Variants in SLIT3 observed in about 807,000 individuals in gnomAD.
SLIT3 encodes slit guidance ligand 3, also known as slit homolog 3 protein.
SLIT3 carries 68 observed loss-of-function variants against 184.0 expected under a neutral mutation model. That is an observed-to-expected ratio of 0.37 (90% CI 0.30 to 0.45). The LOEUF is 0.45. Ranked by LOEUF, SLIT3 falls within the 20% of genes least tolerant of loss-of-function variation. The pLI is 1.00. For missense variants in SLIT3, 1,707 were observed against 2,026.0 expected (o/e 0.84, Z 3.02); for synonymous variants, 831 against 828.6 (o/e 1.00, Z -0.05).
chr5:168,840,470 G>GTAC (rs1417251521), intron 6 of SLIT3, among the ~76,000 whole-genome samples: 1 of 146,454 alleles, frequency 6.8e-6, no homozygotes, highest in Non-Finnish European at 1.5e-5. Context: ...ACCCATGATG[G>GTAC]TACGTTAGTC....
At chr5:169,141,919 G>T (rs1469426877) in intron 4 of SLIT3, among the ~76,000 whole-genome samples, 1 of 150,236 alleles carries the variant, frequency 6.7e-6, no homozygotes, top group Non-Finnish European at 1.5e-5. Context: ...GCGTGGTAGC[G>T]CATGCCTGTA....
At chr5:168,987,684 T>A (rs1299721759) in intron 4 of SLIT3, among the ~76,000 whole-genome samples, 1 of 152,220 alleles carries the variant, frequency 6.6e-6, no homozygotes, top group Non-Finnish European at 1.5e-5. Context: ...AGGAACCGAA[T>A]TGATTTAAAC....
chr5:168,834,332 G>A (rs1368933860), intron 6 of SLIT3, among the ~76,000 whole-genome samples: 1 of 152,076 alleles, frequency 6.6e-6, no homozygotes, highest in Non-Finnish European at 1.5e-5. Flanking sequence ...TTGTTGTAAG[G>A]ATCACACTCC....
chr5:168,851,944 C>T (rs1349398980), intron 5 of SLIT3, among the ~76,000 whole-genome samples: 1 of 152,206 alleles, frequency 6.6e-6, no homozygotes. Context: ...TGCAAACAAG[C>T]CCATGACAAG....
chr5:168,925,039 T>C (rs946809320), intron 4 of SLIT3, among the ~76,000 whole-genome samples: 1 of 152,206 alleles, frequency 6.6e-6, no homozygotes, highest in Non-Finnish European at 1.5e-5. Context: ...CCAGGAACTG[T>C]GCTAGGAGTG....
intron 12 of SLIT3, among the ~76,000 whole-genome samples, chr5:168,780,631 C>G (rs1401694174): frequency 6.6e-6 from 1 of 152,226 alleles, no homozygotes; most frequent in Non-Finnish European, 1.5e-5. Context: ...AGTGAAGACA[C>G]CAACTAGGGG....
intron 14 of SLIT3, among the ~76,000 whole-genome samples, chr5:168,764,906 A>G (rs1368222272): frequency 6.6e-6 from 1 of 152,056 alleles, no homozygotes; most frequent in East Asian, 1.9e-4. Flanking sequence ...TTTCTTCCAG[A>G]CCCATCAGCG....
chr5:168,990,598 G>A (rs62378616), intron 4 of SLIT3, among the ~76,000 whole-genome samples: 6,003 of 152,256 alleles, frequency 0.039, 159 homozygotes, highest in Non-Finnish European at 0.057. Flanking sequence ...ACCCAGAGAG[G>A]TTATTTATTT....
intron 12 of SLIT3, among the ~76,000 whole-genome samples, chr5:168,776,096 A>T (rs1755737528): frequency 6.6e-6 from 1 of 152,172 alleles, no homozygotes; most frequent in Non-Finnish European, 1.5e-5. Context: ...CCTGGTGGGG[A>T]ATGACACATG....
At chr5:168,699,070 C>T (rs746568779) in intron 27 of SLIT3, among the ~76,000 whole-genome samples, 6 of 152,304 alleles carry the variant, frequency 3.9e-5, no homozygotes, top group South Asian at 4.1e-4. Context: ...GCTGGGGCCC[C>T]GTGGCCACCT....
At chr5:168,810,379 T>C (rs566434859) in intron 8 of SLIT3, among the ~76,000 whole-genome samples, 21 of 152,282 alleles carry the variant, frequency 1.4e-4, no homozygotes, top group African/African-American at 5.1e-4. Flanking sequence ...GCAAGGAAGG[T>C]GGCCTTAACT....
chr5:168,963,452 A>T (rs1002515602), intron 4 of SLIT3, among the ~76,000 whole-genome samples: 27 of 152,368 alleles, frequency 1.8e-4, no homozygotes, highest in Admixed American at 3.3e-4. Context: ...GATTACAGGC[A>T]TGAGGCACTG....
intron 1 of SLIT3, among the ~76,000 whole-genome samples, chr5:169,279,943 C>T (rs756888010): frequency 6.6e-6 from 1 of 152,236 alleles, no homozygotes; most frequent in African/African-American, 2.4e-5. Flanking sequence ...GCAGTCACCA[C>T]GCTTGCTTTT....
chr5:168,835,851 G>T (rs1430389969), intron 6 of SLIT3, among the ~76,000 whole-genome samples: 1 of 151,616 alleles, frequency 6.6e-6, no homozygotes, highest in Non-Finnish European at 1.5e-5. Flanking sequence ...GTTTTAGTTT[G>T]TGTAGAGGTC....
intron 6 of SLIT3, among the ~76,000 whole-genome samples, chr5:168,837,427 C>T (rs1183931120): frequency 2.6e-5 from 4 of 152,098 alleles, no homozygotes; most frequent in African/African-American, 9.7e-5. Context: ...GATTTTGTTC[C>T]TTATTAAAAT....
intron 8 of SLIT3, among the ~76,000 whole-genome samples, chr5:168,809,190 C>T (rs996919052): frequency 6.6e-6 from 1 of 152,178 alleles, no homozygotes; most frequent in African/African-American, 2.4e-5. Flanking sequence ...TAATTCTGTT[C>T]TAAACCAGAC....
At chr5:169,164,748 C>G (rs1045993583) in intron 4 of SLIT3, among the ~76,000 whole-genome samples, 4 of 152,228 alleles carry the variant, frequency 2.6e-5, no homozygotes, top group Non-Finnish European at 4.4e-5. Context: ...ATTAACAGAT[C>G]TGGGCCTGTC....
intron 4 of SLIT3, among the ~76,000 whole-genome samples, chr5:169,057,558 C>G (rs1022598125): frequency 6.6e-6 from 1 of 152,184 alleles, no homozygotes; most frequent in Non-Finnish European, 1.5e-5. Context: ...AATAGGGAGT[C>G]AGAGGCTCTA....
chr5:168,920,376 T>C (rs1025326415), intron 4 of SLIT3, among the ~76,000 whole-genome samples: 1 of 152,082 alleles, frequency 6.6e-6, no homozygotes, highest in African/African-American at 2.4e-5. Context: ...CTAACTCCCT[T>C]CTCCAGGATG....
Sources: allele counts gnomAD v4.1 joint callset (sites outside exome capture counted in the v4.1 genomes callset), GRCh38; gene constraint gnomAD v4.1.1; transcripts MANE v1.5; gene names NCBI Gene and HGNC (gene_info 2026-07-23, HGNC 2026-07-21).